BMPER: variants seen among roughly 807,000 people sequenced by gnomAD.
BMPER encodes the protein BMP-binding endothelial regulator protein.
A neutral mutation model predicts 87.3 loss-of-function variants in BMPER; 45 were observed. The observed-to-expected ratio is 0.52, with a 90% CI of 0.41 to 0.66. The LOEUF (loss-of-function observed/expected upper bound fraction) is 0.66. Ranked by LOEUF, BMPER falls within the 30% of genes least tolerant of loss-of-function variation. The probability of loss-of-function intolerance (pLI) is 0.00; values close to 1 mark genes in which losing one functional copy is unlikely to be tolerated. For missense variants in BMPER, 784 were observed against 867.5 expected (o/e 0.90, Z 1.21); for synonymous variants, 326 against 316.2 (o/e 1.03, Z -0.33).
chr7:33,909,100 TA>T (rs1783890769), intron 2 of BMPER, among the ~76,000 whole-genome samples: 1 of 152,254 alleles, frequency 6.6e-6, no homozygotes, highest in Non-Finnish European at 1.5e-5. Flanking sequence ...ATTTTTATTT[TA>T]TTTTATTTTT....
chr7:33,957,982 C>T (rs1785187210), intron 3 of BMPER, among the ~76,000 whole-genome samples: 2 of 152,164 alleles, frequency 1.3e-5, no homozygotes, highest in Non-Finnish European at 2.9e-5. Flanking sequence ...TACACTGTCA[C>T]TGATGTCTTT....
At chr7:33,991,886 T>A (rs1222160356) in intron 6 of BMPER, among the ~76,000 whole-genome samples, 1 of 142,480 alleles carries the variant, frequency 7.0e-6, no homozygotes, top group Non-Finnish European at 1.5e-5. Flanking sequence ...CCAGTAGTCA[T>A]TCAGGAGCAG....
chr7:34,063,660 G>A (rs1788500638), intron 11 of BMPER, among the ~76,000 whole-genome samples: 1 of 152,170 alleles, frequency 6.6e-6, no homozygotes, highest in South Asian at 2.1e-4. Context: ...CACACCAGTT[G>A]ATTTAAAAAC....
At chr7:33,924,666 C>A (rs1007589108) in intron 2 of BMPER, among the ~76,000 whole-genome samples, 2 of 152,126 alleles carry the variant, frequency 1.3e-5, no homozygotes, top group African/African-American at 4.8e-5. Flanking sequence ...TTATTTCTTT[C>A]TTTCTTTTTT....
intron 2 of BMPER, among the ~76,000 whole-genome samples, chr7:33,931,864 G>A (rs531806226): frequency 6.6e-6 from 1 of 152,322 alleles, no homozygotes; most frequent in Non-Finnish European, 1.5e-5. Flanking sequence ...TCCTATTTGT[G>A]CTCAGCAATG....
chr7:34,044,943 G>C (rs1184198250), intron 6 of BMPER, among the ~76,000 whole-genome samples: 1 of 152,186 alleles, frequency 6.6e-6, no homozygotes, highest in Admixed American at 6.5e-5. Flanking sequence ...CAGGCCCCTG[G>C]TGGCTGAGGC....
At chr7:34,124,163 T>G (rs1384458178) in intron 13 of BMPER, among the ~76,000 whole-genome samples, 1 of 152,214 alleles carries the variant, frequency 6.6e-6, no homozygotes, top group Non-Finnish European at 1.5e-5. Context: ...CTCATTGTTA[T>G]CTTTTCTGTT....
intron 7 of BMPER, 45 bp downstream of exon 7, chr7:34,046,450 A>C: frequency 6.4e-7 from 1 of 1,574,668 alleles, no homozygotes; most frequent in East Asian, 2.2e-5. Flanking sequence ...ATTTCTTCTC[A>C]AAGTTTCTGC....
intron 6 of BMPER, among the ~76,000 whole-genome samples, chr7:34,045,930 A>G (rs1364119501): frequency 3.9e-5 from 6 of 152,164 alleles, no homozygotes; most frequent in Non-Finnish European, 8.8e-5. Context: ...AGGATGGTCC[A>G]CTCATCCTGG....
chr7:34,103,372 T>C (rs1789733518), intron 13 of BMPER, among the ~76,000 whole-genome samples: 1 of 152,210 alleles, frequency 6.6e-6, no homozygotes, highest in Admixed American at 6.5e-5. Flanking sequence ...ATCACATTTA[T>C]CAGTAGAATC....
intron 6 of BMPER, among the ~76,000 whole-genome samples, chr7:33,994,749 T>C (rs1364427546): frequency 6.6e-6 from 1 of 152,168 alleles, no homozygotes; most frequent in African/African-American, 2.4e-5. Context: ...AAAAGGCCAT[T>C]GTCCTGGGAG....
At chr7:33,943,754 T>C (rs1031064968) in intron 3 of BMPER, among the ~76,000 whole-genome samples, 56 of 152,208 alleles carry the variant, frequency 3.7e-4, no homozygotes, top group Admixed American at 3.7e-3. Context: ...TGGATATCTT[T>C]GCCTTCCCTC....
At chr7:34,044,999 G>A in intron 6 of BMPER, among the ~76,000 whole-genome samples, 1 of 152,150 alleles carries the variant, frequency 6.6e-6, no homozygotes, top group Non-Finnish European at 1.5e-5. Flanking sequence ...GTGAGGAAAT[G>A]CATCAGATGG....
At chr7:34,101,539 A>G (rs1789682493) in intron 13 of BMPER, among the ~76,000 whole-genome samples, 1 of 152,234 alleles carries the variant, frequency 6.6e-6, no homozygotes, top group Non-Finnish European at 1.5e-5. Flanking sequence ...TATGAGTTGT[A>G]AGGTCACTTG....
In BMPER at chr7:34,048,834, G is replaced by T. The variant is rs547699587; in HGVS notation, c.676+2429G>T. Among the ~76,000 whole-genome samples the T allele has an allele frequency of 2.0e-5, 3 of 152,260 alleles. No individual in the cohort carries two copies. In the East Asian group the frequency reaches 5.8e-4, roughly 29 times the overall value. ...ATGACATGGAAATGTCTTAAGTCAG[G>T]CTGTACACAAAGTCTCTGAACCACT... On this transcript the variant is annotated intron_variant, in intron 7 of 14. Transcript: ENST00000649409.
At chr7:34,143,475 A>G in intron 14 of BMPER, 115 bp downstream of exon 14, 1 of 1,492,940 alleles carries the variant, frequency 6.7e-7, no homozygotes, top group African/African-American at 1.4e-5. Context: ...TGCCAGAGGA[A>G]AATCCCTTCC....
At chr7:33,946,304 C>T (rs1784893835) in intron 3 of BMPER, among the ~76,000 whole-genome samples, 1 of 152,112 alleles carries the variant, frequency 6.6e-6, no homozygotes, top group African/African-American at 2.4e-5. Context: ...ATGGGCATTA[C>T]AATTCAAGAT....
At chr7:34,123,667 T>C (rs1034975571) in intron 13 of BMPER, among the ~76,000 whole-genome samples, 4 of 152,228 alleles carry the variant, frequency 2.6e-5, no homozygotes, top group African/African-American at 9.6e-5. Context: ...CTGAGCCAAA[T>C]TCATGGATGA....
At chr7:34,026,326 T>G (rs1787356523) in intron 6 of BMPER, among the ~76,000 whole-genome samples, 1 of 152,112 alleles carries the variant, frequency 6.6e-6, no homozygotes, top group Non-Finnish European at 1.5e-5. Flanking sequence ...ATCATCATTG[T>G]CATGCATCAC....
Sources: allele counts gnomAD v4.1 joint callset (sites outside exome capture counted in the v4.1 genomes callset), GRCh38; gene constraint gnomAD v4.1.1; transcripts MANE v1.5; gene names NCBI Gene and HGNC (gene_info 2026-07-23, HGNC 2026-07-21).